The following CRACD variants were observed in gnomAD, a reference collection of about 807,000 sequenced individuals.
CRACD encodes the protein capping protein inhibiting regulator of actin dynamics, also known as capping protein-inhibiting regulator of actin dynamics.
In CRACD, 56 loss-of-function variants were observed where a neutral mutation model predicts 106.8. The ratio of observed to expected loss-of-function variants is 0.52; its 90% CI spans 0.42 to 0.66. The LOEUF (loss-of-function observed/expected upper bound fraction) is 0.66. CRACD is among the 30% of genes least tolerant of loss of function. The pLI, the probability that CRACD is intolerant of heterozygous loss-of-function variation, is 0.00. For missense variants in CRACD, 1,730 were observed against 1,623.2 expected, an observed-to-expected ratio of 1.07 and a Z score of -1.13; for synonymous variants, 754 against 670.8, an observed-to-expected ratio of 1.12 and a Z score of -1.92.
At position 56,110,883 on chromosome 4, in the gene CRACD, C is replaced by T. The variant is rs533223770; in HGVS notation, c.-336+61584C>T. ...AAGTGCTGGGATTACAGGTGTGAGC[C>T]GCTGCGTCCAGCCTAATTCAGTAGA... On this transcript the variant is annotated intron_variant, in intron 1 of 10. Transcript: ENST00000682029. 1.6e-4 allele frequency among the ~76,000 whole-genome samples: 24 copies of T among 152,250 alleles called. 1 individual carries two copies. Among genetic ancestry groups the T allele is most frequent in the African/African-American group, 4.8e-4 (20 of 41,542 alleles).
intron 2 of CRACD, among the ~76,000 whole-genome samples, chr4:56,252,268 C>T (rs1027534483): frequency 6.6e-6 from 1 of 152,216 alleles, no homozygotes; most frequent in Non-Finnish European, 1.5e-5. Context: ...CCACTACACA[C>T]ACATACCACC....
chr4:56,063,557 A>T (rs1330517728), intron 1 of CRACD, among the ~76,000 whole-genome samples: 1 of 152,064 alleles, frequency 6.6e-6, no homozygotes, highest in Non-Finnish European at 1.5e-5. Flanking sequence ...TACCAGGGGC[A>T]GCCCCTGGTA....
intron 2 of CRACD, among the ~76,000 whole-genome samples, chr4:56,199,498 A>T (rs925237987): frequency 6.6e-6 from 1 of 152,022 alleles, no homozygotes; most frequent in Non-Finnish European, 1.5e-5. Flanking sequence ...CCTGACCAAC[A>T]TGGTGAAACC....
intron 8 of CRACD, chr4:56,321,187 G>C: frequency 3.6e-6 from 1 of 277,502 alleles, no homozygotes; most frequent in Non-Finnish European, 7.2e-6. Context: ...AGGATAAACG[G>C]TTTTATTCTT....
At chr4:56,275,245 C>T (rs1276670239) in intron 3 of CRACD, among the ~76,000 whole-genome samples, 2 of 152,056 alleles carry the variant, frequency 1.3e-5, no homozygotes, top group Non-Finnish European at 2.9e-5. Flanking sequence ...ACCTACGTAA[C>T]AAACCTTCAC....
intron 3 of CRACD, among the ~76,000 whole-genome samples, chr4:56,274,658 C>T (rs1427038573): frequency 3.4e-5 from 5 of 144,946 alleles, no homozygotes; most frequent in South Asian, 2.2e-4. Flanking sequence ...ATTTATGAGA[C>T]GTGTACTATA....
intron 1 of CRACD, among the ~76,000 whole-genome samples, chr4:56,094,909 A>G (rs182954608): frequency 1.3e-3 from 202 of 152,312 alleles, no homozygotes; most frequent in Non-Finnish European, 2.4e-3. Flanking sequence ...AGATTTAACA[A>G]TTGCTAATTT....
At chr4:56,151,158 A>C (rs1281054289) in intron 1 of CRACD, among the ~76,000 whole-genome samples, 2 of 152,074 alleles carry the variant, frequency 1.3e-5, no homozygotes, top group Non-Finnish European at 2.9e-5. Flanking sequence ...CACCAAGCCC[A>C]GCTAATTTTT....
chr4:56,175,441 C>G (rs192186316), intron 1 of CRACD, among the ~76,000 whole-genome samples: 3 of 152,136 alleles, frequency 2.0e-5, no homozygotes, highest in African/African-American at 7.2e-5. Flanking sequence ...CTACTTGCCA[C>G]TTGGATGTCT....
intron 1 of CRACD, among the ~76,000 whole-genome samples, chr4:56,150,440 A>G (rs967911954): frequency 7.9e-5 from 12 of 152,196 alleles, no homozygotes; most frequent in Non-Finnish European, 1.8e-4. Flanking sequence ...TTTACTCTTT[A>G]ACAAACAGTG....
intron 5 of CRACD, 69 bp downstream of exon 5, chr4:56,307,768 C>G: frequency 6.6e-7 from 1 of 1,510,850 alleles, no homozygotes; most frequent in Non-Finnish European, 9.1e-7. Flanking sequence ...TCCAGTAACC[C>G]TGGGGTCTGC....
At chr4:56,224,466 T>A (rs1577761420) in intron 2 of CRACD, among the ~76,000 whole-genome samples, 1 of 152,206 alleles carries the variant, frequency 6.6e-6, no homozygotes, top group Non-Finnish European at 1.5e-5. Context: ...TTCAGGTGAT[T>A]ATCTTGAGTT....
intron 1 of CRACD, among the ~76,000 whole-genome samples, chr4:56,101,347 G>C (rs556347429): frequency 6.6e-6 from 1 of 151,868 alleles, no homozygotes; most frequent in South Asian, 2.1e-4. Context: ...CCTACTTTAA[G>C]CTATTAAAAT....
chr4:56,060,015 G>A (rs1040376553), intron 1 of CRACD, among the ~76,000 whole-genome samples: 2 of 152,152 alleles, frequency 1.3e-5, no homozygotes, highest in African/African-American at 4.8e-5. Flanking sequence ...AGAAAATGCA[G>A]CATTCTTGCA....
intron 4 of CRACD, among the ~76,000 whole-genome samples, chr4:56,300,797 A>G (rs1744324171): frequency 6.6e-6 from 1 of 152,234 alleles, no homozygotes; most frequent in African/African-American, 2.4e-5. Flanking sequence ...TGTTGTAAAA[A>G]AGTATACTAT....
intron 2 of CRACD, among the ~76,000 whole-genome samples, chr4:56,227,922 A>G (rs990770610): frequency 6.6e-6 from 1 of 152,148 alleles, no homozygotes; most frequent in African/African-American, 2.4e-5. Context: ...CCTCTTAGGA[A>G]GCGCTTAACC....
In CRACD at chr4:56,286,570, A is replaced by C. The variant is rs183311327; in HGVS notation, c.-16-11644A>C. On this transcript the variant is annotated intron_variant, in intron 3 of 10. Coordinates refer to ENST00000682029, the MANE Select transcript of CRACD (RefSeq NM_001393381.1). ...AAAGATTACCGTAGGGTTTCAGAGA[A>C]AGCTGAATTGGAAAAGATGCAACTT... 2.3e-3 allele frequency among the ~76,000 whole-genome samples: 348 copies of C among 150,576 alleles called. 1 individual carries two copies. Among genetic ancestry groups the C allele is most frequent in the Middle Eastern group, 0.01 (3 of 288 alleles).
intron 4 of CRACD, among the ~76,000 whole-genome samples, chr4:56,305,671 C>T (rs1243762913): frequency 6.6e-6 from 1 of 152,202 alleles, no homozygotes; most frequent in Non-Finnish European, 1.5e-5. Flanking sequence ...GTGCTCCTGT[C>T]CTGTGAGGCT....
chr4:56,108,187 C>T (rs369000414), intron 1 of CRACD, among the ~76,000 whole-genome samples: 20 of 152,060 alleles, frequency 1.3e-4, no homozygotes, highest in East Asian at 5.8e-4. Context: ...GGAGAAAATA[C>T]GGAAAATACT....
Sources: gnomAD v4.1 joint callset for allele counts (sites outside exome capture counted in the v4.1 genomes callset) on GRCh38, gnomAD v4.1.1 for gene constraint, MANE v1.5 for transcripts, NCBI Gene and HGNC (gene_info 2026-07-23, HGNC 2026-07-21) for gene names.